The following LIG1 variants were observed in gnomAD, a reference collection of about 807,000 sequenced individuals.
LIG1 encodes the protein DNA ligase 1, also known as ligase I, DNA, ATP-dependent.
LIG1 carries 70 observed loss-of-function variants against 115.7 expected under a neutral mutation model. The observed-to-expected ratio is 0.60, with a 90% CI of 0.50 to 0.74. The LOEUF is 0.74. LIG1 is among the 30% of genes least tolerant of loss of function. LIG1 has a pLI of 0.00. For missense variants in LIG1, 1,115 were observed against 1,225.6 expected (o/e 0.91, Z 1.35); for synonymous variants, 487 against 495.3 (o/e 0.98, Z 0.22).
intron 5 of LIG1, 78 bp downstream of exon 5, chr19:48,156,936 C>G (rs1445990789): frequency 2.1e-6 from 2 of 964,118 alleles, no homozygotes; most frequent in Non-Finnish European, 2.8e-6. Flanking sequence ...GAGACTATGT[C>G]TCAAAAAAAA....
intron 2 of LIG1, among the ~76,000 whole-genome samples, chr19:48,163,015 A>T (rs1192071848): frequency 4.0e-5 from 6 of 151,036 alleles, no homozygotes; most frequent in Non-Finnish European, 8.9e-5. Context: ...CCCAGGTTCA[A>T]GCGATTCTCC....
Position 48,117,742 on chromosome 19 carries a change from C to G in LIG1, c.2479G>C (p.Asp827His), listed in dbSNP as rs1321074571. ...LPSPRPYVRI[D>H]GAVIPDHWLD... is the part of the protein sequence containing the mutation. ...CAGTGGTCGGGAATCACAGCGCCAT[C>G]TATCCGCACGTAAGGGCGTGGGCTG... Residue 827 changes from aspartate (D) to histidine (H), a missense_variant, in exon 26 of 28, where the codon GAT (aspartate) becomes CAT (histidine). Transcript: ENST00000263274. The G allele has an allele frequency of 6.2e-7, 1 of 1,613,100 alleles. No homozygotes were observed. The highest frequency in any genetic ancestry group is 8.5e-7 in the Non-Finnish European group (1 of 1,179,824).
intron 9 of LIG1, among the ~76,000 whole-genome samples, chr19:48,148,801 A>T (rs1297941628): frequency 2.6e-5 from 4 of 152,208 alleles, no homozygotes; most frequent in African/African-American, 9.7e-5. Flanking sequence ...CTCTTCAAAT[A>T]ATTAACAAAA....
At chr19:48,135,621 C>T (rs1015107780) in intron 16 of LIG1, 59 bp downstream of exon 16, 6 of 1,373,672 alleles carry the variant, frequency 4.4e-6, no homozygotes, top group Non-Finnish European at 4.2e-6. Context: ...CTGGCTCCAC[C>T]CCCACCCTGG....
chr19:48,163,218 T>TA (rs995117755), intron 2 of LIG1, among the ~76,000 whole-genome samples: 3 of 115,672 alleles, frequency 2.6e-5, no homozygotes, highest in Admixed American at 1.7e-4. Flanking sequence ...GCGCCCAGCC[T>TA]AAAAAAATTT....
intron 14 of LIG1, among the ~76,000 whole-genome samples, chr19:48,136,404 G>A (rs962179859): frequency 6.6e-5 from 10 of 152,170 alleles, no homozygotes; most frequent in Non-Finnish European, 1.0e-4. Context: ...AGGGGTTGGC[G>A]AGGCTTGAGG....
chr19:48,137,510 CG>C lies in LIG1; in HGVS notation c.1254+11del. On this transcript the variant is annotated intron_variant, in intron 13 of 27. Coordinates refer to ENST00000263274, the MANE Select transcript of LIG1 (RefSeq NM_000234.3). This position sits in a 1 kb window ranked among gnomAD's most constrained non-coding sequence, Gnocchi z 4.3. ...TGTCTGGGGTCCGGGATGAGCGGCC[CG>C]CCCCACTCACAGCACTGCCAGTGAG... The C allele has an allele frequency of 6.2e-7, 1 of 1,610,980 alleles. No homozygotes were observed. Among genetic ancestry groups the C allele is most frequent in the South Asian group, 1.1e-5 (1 of 91,072 alleles).
intron 25 of LIG1, 145 bp downstream of exon 25, chr19:48,118,992 C>T: frequency 1.5e-6 from 1 of 680,708 alleles, no homozygotes; most frequent in South Asian, 1.7e-5. Flanking sequence ...TGCTGGACTC[C>T]AAAGCCAGCT....
intron 9 of LIG1, among the ~76,000 whole-genome samples, chr19:48,148,650 T>A (rs767025099): frequency 1.8e-4 from 27 of 151,722 alleles, no homozygotes; most frequent in Admixed American, 7.9e-4. Context: ...GCAGATGGGT[T>A]TTGAGCATGG....
chr19:48,143,502 A>ACGCGTGGGCGG, intron 11 of LIG1, 41 bp downstream of exon 11: 1 of 748,564 alleles, frequency 1.3e-6, no homozygotes, highest in Non-Finnish European at 2.4e-6. Context: ...ACAGACCCAG[A>ACGCGTGGGCGG]AGCGACCCCG....
At chr19:48,161,063 T>G in intron 4 of LIG1, 1 of 414,438 alleles carries the variant, frequency 2.4e-6, no homozygotes, top group Non-Finnish European at 4.6e-6. Context: ...CCATCAGGCA[T>G]TATTCTCAGA....
rs187647785 is a variant in LIG1 at position 48,162,406 on chromosome 19, C to T, written c.18-55G>A. ...GGAGAATAACAGCACCAATACCCTG[C>T]CTATCTATGCTGTATCCTATAACTT... On this transcript the variant is annotated intron_variant, in intron 2 of 27. Coordinates refer to ENST00000263274, the MANE Select transcript of LIG1 (RefSeq NM_000234.3). 1.7e-5 allele frequency: 21 copies of T among 1,246,410 alleles called. No individual in the cohort carries two copies. The Admixed American group carries it at 3.4e-4, about 20-fold the overall frequency. 77.2% of individuals were successfully genotyped at this position (1,246,410 alleles called of 1,614,324 possible).
intron 24 of LIG1, chr19:48,120,867 GC>G: frequency 3.0e-6 from 3 of 1,009,792 alleles, no homozygotes; most frequent in Non-Finnish European, 3.8e-6. Flanking sequence ...GCATCAGACT[GC>G]CCCCTCCACA....
chr19:48,156,984 C>T (rs1568544840), intron 5 of LIG1, 30 bp downstream of exon 5: 1 of 1,382,950 alleles, frequency 7.2e-7, no homozygotes. Context: ...AGGCAGGCGA[C>T]TGAAGGGGCA....
intron 21 of LIG1, 81 bp downstream of exon 21, chr19:48,127,196 G>T: frequency 1.8e-6 from 2 of 1,141,152 alleles, no homozygotes; most frequent in South Asian, 1.2e-5. Flanking sequence ...AGTCGGAAAT[G>T]GAAGTCAGAG....
chr19:48,127,948 T>C lies in LIG1; in HGVS notation c.1894A>G (p.Ile632Val). ...GTGGTGAGCACTTGGAATGGCTGGA[T>C]CTGCTTCTTTTCCCGGTCCCAAGCC... ...AVAWDREKKQ[I>V]QPFQVLTTRK... Residue 632 changes from isoleucine (I) to valine (V), a missense_variant, in exon 20 of 28, where the codon ATC becomes GTC. Coordinates refer to ENST00000263274, the MANE Select transcript of LIG1 (RefSeq NM_000234.3). 6.2e-7 allele frequency: 1 copy of C among 1,614,136 alleles called. No individual in the cohort carries two copies. The highest frequency in any genetic ancestry group is 8.5e-7 in the Non-Finnish European group (1 of 1,180,034).
chr19:48,131,027 C>T (rs372442462), intron 19 of LIG1, 49 bp downstream of exon 19: 32 of 1,497,894 alleles, frequency 2.1e-5, no homozygotes, highest in African/African-American at 1.8e-4. Context: ...GGCCTTTGCA[C>T]CCCTGACCAC....
chr19:48,117,519 C>T, intron 26 of LIG1, 119 bp downstream of exon 26: 4 of 1,108,996 alleles, frequency 3.6e-6, no homozygotes, highest in Non-Finnish European at 1.3e-6. Flanking sequence ...AATGCAAGCT[C>T]ATCTTCCTGA....
chr19:48,143,844 G>C (rs534931199), intron 10 of LIG1, 39 bp downstream of exon 10: 11 of 1,531,158 alleles, frequency 7.2e-6, no homozygotes, highest in Non-Finnish European at 8.1e-6. Context: ...GTGGCAACAG[G>C]GACCGGAGGG....
Sources: gnomAD v4.1 joint callset for allele counts (sites outside exome capture counted in the v4.1 genomes callset) on GRCh38, gnomAD v4.1.1 for gene constraint, Gnocchi (gnomAD v3.1) non-coding constraint, MANE v1.5 for transcripts, NCBI Gene and HGNC (gene_info 2026-07-23, HGNC 2026-07-21) for gene names.